Variants in BRCA1 observed in about 807,000 individuals in gnomAD.
The protein encoded by BRCA1 is BRCA1 DNA repair associated.
BRCA1 carries 140 observed loss-of-function variants against 173.7 expected under a neutral mutation model. That is an observed-to-expected ratio of 0.81 (90% confidence interval 0.70 to 0.93). BRCA1 has a LOEUF of 0.93. BRCA1 is among the 40% of genes least tolerant of loss of function. The pLI is 0.00. For missense variants in BRCA1, 1,983 were observed against 2,172.5 expected (o/e 0.91, Z 1.73); for synonymous variants, 662 against 756.0 (o/e 0.88, Z 2.04).
Position 43,058,379 on chromosome 17 carries a change from A to AC in BRCA1, c.5194-1245_5194-1244insG, listed in dbSNP as rs1555577277. ...ACAAAGTGAGACTCTGCTAAAAAAA[A>AC]ACACACACACACACACACATAAAAC... On this transcript the variant is annotated intron_variant, in intron 18 of 22. Transcript: ENST00000357654. Among the ~76,000 whole-genome samples the AC allele has an allele frequency of 3.4e-3, 506 of 150,174 alleles. 1 individual carries two copies. Among genetic ancestry groups the AC allele is most frequent in the African/African-American group, 0.01 (417 of 40,608 alleles).
chr17:43,145,190 G>C lies in BRCA1; in HGVS notation c.-19-21075C>G, dbSNP rs1030703534. The C allele has an allele frequency of 7.0e-6, 5 of 710,556 alleles. No individual in the cohort carries two copies. In the African/African-American group the frequency reaches 7.1e-5, roughly 10 times the overall value. 44.0% of individuals were successfully genotyped at this position (710,556 alleles called of 1,614,324 possible). A position where few individuals can be genotyped will look rare whatever the true frequency, so the allele number is the denominator to read the frequency against. On this transcript the variant is annotated intron_variant, in intron 1 of 7. Transcript: ENST00000634433. ...AAAGAAGATTTACCTGCAGAAAACA[G>C]GGGAAACGAAAACTGAGGAGAGTCC... is the stretch of plus-strand genomic sequence containing the variant.
rs373416180 is a variant in BRCA1, at chr17:43,152,213, G to A, written c.-20+17913C>T. Among the ~76,000 whole-genome samples the A allele has an allele frequency of 1.4e-4, 22 of 152,308 alleles. No individual in the cohort carries two copies. The East Asian group carries it at 2.5e-3, about 17-fold the overall frequency. On this transcript the variant is annotated intron_variant, in intron 1 of 7. Transcript: ENST00000634433. ...GGCTTTGCTCTACTGAGCCACCACTGAGCCTTGTATATGTCTCTCTTTATT... is the reference window on the plus strand; with the variant it reads ...GGCTTTGCTCTACTGAGCCACCACTAAGCCTTGTATATGTCTCTCTTTATT...
intron 15 of BRCA1, among the ~76,000 whole-genome samples, 187 bp from the exon 16 acceptor site, chr17:43,067,882 G>A (rs1311936598): frequency 2.5e-5 from 2 of 80,126 alleles, no homozygotes; most frequent in African/African-American, 5.2e-5. Flanking sequence ...TGTCACCCAG[G>A]CTGGAGGTAA....
At chr17:43,095,728 G>T in intron 9 of BRCA1, 118 bp downstream of exon 9, 1 of 843,810 alleles carries the variant, frequency 1.2e-6, no homozygotes, top group Non-Finnish European at 2.0e-6. Context: ...CTCTAACTCT[G>T]CCAAGAGATT....
chr17:43,100,618 A>ATATATAT (rs1491529521), intron 6 of BRCA1, among the ~76,000 whole-genome samples: 3 of 64,754 alleles, frequency 4.6e-5, no homozygotes, highest in Non-Finnish European at 7.9e-5. Context: ...ACATATATAT[A>ATATATAT]ACATATATAT....
intron 8 of BRCA1, 25 bp downstream of exon 8, chr17:43,097,219 T>A (rs929583740): frequency 7.5e-6 from 12 of 1,606,504 alleles, no homozygotes; most frequent in Non-Finnish European, 1.0e-5. Context: ...ACCAGCTTCA[T>A]AGACAAAGGT....
chr17:43,052,338 T>C (rs961520693), intron 19 of BRCA1, among the ~76,000 whole-genome samples: 1 of 152,152 alleles, frequency 6.6e-6, no homozygotes, highest in African/African-American at 2.4e-5. Context: ...TGGAGTACAG[T>C]GGCACGATCA....
At chr17:43,058,019 C>CAAAAAAAAAAAAAAAA (rs68106056) in intron 18 of BRCA1, among the ~76,000 whole-genome samples, 2 of 34,496 alleles carry the variant, frequency 5.8e-5, no homozygotes, top group Admixed American at 4.1e-4. Context: ...AACTCTGTCT[C>CAAAAAAAAAAAAAAAA]AAAAAAAAAA....
At position 43,120,160 on chromosome 17, in the gene BRCA1, A is replaced by C. The variant is rs1361818085; in HGVS notation, c.80+3857T>G. Among the ~76,000 whole-genome samples, 5 of 152,340 alleles carry C rather than the reference A, an allele frequency of 3.3e-5. No individual in the cohort carries two copies. The East Asian group carries it at 9.6e-4, about 29-fold the overall frequency. ...AACCCACCGGGGAACACATTTTAGC[A>C]AATTCTTCTGAAAGTCAAAAATGTT... On this transcript the variant is annotated intron_variant, in intron 2 of 22. Transcript: ENST00000357654.
At chr17:43,121,208 T>C (rs1597919230) in intron 2 of BRCA1, among the ~76,000 whole-genome samples, 1 of 151,574 alleles carries the variant, frequency 6.6e-6, no homozygotes, top group East Asian at 1.9e-4. Flanking sequence ...ACCCCGTCTC[T>C]ACTAAAAATA....
intron 17 of BRCA1, among the ~76,000 whole-genome samples, chr17:43,063,671 T>C (rs2051893114): frequency 6.6e-6 from 1 of 152,180 alleles, no homozygotes; most frequent in South Asian, 2.1e-4. Flanking sequence ...TCCTATTAGT[T>C]ATAAAAGAGA....
At chr17:43,064,217 C>T (rs1481634800) in intron 16 of BRCA1, among the ~76,000 whole-genome samples, 3 of 152,210 alleles carry the variant, frequency 2.0e-5, no homozygotes, top group Admixed American at 6.5e-5. Flanking sequence ...CACCCATCTT[C>T]TAGACGCCAA....
intron 15 of BRCA1, 77 bp downstream of exon 15, chr17:43,070,851 G>A (rs2052347756): frequency 6.6e-7 from 1 of 1,504,752 alleles, no homozygotes; most frequent in Non-Finnish European, 9.2e-7. Flanking sequence ...GTTATTAATT[G>A]ACAATACCTA....
upstream of BRCA1, among the ~76,000 whole-genome samples, chr17:43,127,210 GC>G (rs2055910592): frequency 6.6e-6 from 1 of 152,332 alleles, no homozygotes; most frequent in East Asian, 1.9e-4. Flanking sequence ...GAGTGCAGGC[GC>G]CCGGCACAGC....
In BRCA1 at chr17:43,066,355, A is replaced by G. The variant is rs8176240; in HGVS notation, c.5074+1253T>C. Among the ~76,000 whole-genome samples, 2,241 of 152,196 alleles carry G rather than the reference A, an allele frequency of 0.015. 48 individuals are homozygous for G. Among genetic ancestry groups the G allele is most frequent in the African/African-American group, 0.051 (2,130 of 41,508 alleles). On this transcript the variant is annotated intron_variant, in intron 16 of 22. Transcript: ENST00000357654. ...ACTTTTTTCCTGAAAAACTCTCAAC[A>G]ATACTCAAACTAGGTGTTACATGAA...
intron 2 of BRCA1, among the ~76,000 whole-genome samples, chr17:43,120,711 G>A (rs2055511052): frequency 1.3e-5 from 2 of 152,132 alleles, no homozygotes. Context: ...CTTGCAGTGA[G>A]CCGAGATGGC....
At chr17:43,146,997 C>CA (rs1368817163) in intron 1 of BRCA1, among the ~76,000 whole-genome samples, 1 of 152,054 alleles carries the variant, frequency 6.6e-6, no homozygotes, top group Admixed American at 6.6e-5. Context: ...CCTTGTCCTG[C>CA]AGCCTCATGG....
rs80357344 is a variant in BRCA1 at position 43,093,607 on chromosome 17, C to G, written c.1924G>C (p.Asp642His). ...ATCTCTTCACTGCTAGAACAACTATCAATTTGCAATTCAGTACAATTAGGT... is the reference window on the plus strand; with the variant it reads ...ATCTCTTCACTGCTAGAACAACTATGAATTTGCAATTCAGTACAATTAGGT... Reference protein sequence around the residue: ...SPPNCTELQIDSCSSSEEIKK... With the variant: ...SPPNCTELQIHSCSSSEEIKK... The change falls in exon 10 of 23, where the codon GAT becomes CAT. Residue 642 changes from aspartate (D) to histidine (H), a missense_variant. Coordinates refer to ENST00000357654, the MANE Select transcript of BRCA1 (RefSeq NM_007294.4). 15 of 1,613,906 alleles carry G rather than the reference C, an allele frequency of 9.3e-6. No homozygotes were observed. Among genetic ancestry groups the G allele is most frequent in the Non-Finnish European group, 1.0e-5 (12 of 1,180,002 alleles).
chr17:43,063,763 T>C (rs969058862), intron 17 of BRCA1, 111 bp downstream of exon 17: 1 of 829,062 alleles, frequency 1.2e-6, no homozygotes, highest in Non-Finnish European at 2.0e-6. Flanking sequence ...TTAAAGACCT[T>C]TTGGTAACTC....
Sources: allele counts gnomAD v4.1 joint callset (sites outside exome capture counted in the v4.1 genomes callset), GRCh38; gene constraint gnomAD v4.1.1; transcripts MANE v1.5; gene names NCBI Gene and HGNC (gene_info 2026-07-23, HGNC 2026-07-21).